MGMT: variants seen among roughly 807,000 people sequenced by gnomAD.
MGMT encodes the protein methylated-DNA--protein-cysteine methyltransferase.
MGMT carries 14 observed loss-of-function variants against 15.9 expected under a neutral mutation model. That is an observed-to-expected ratio of 0.88 (90% confidence interval 0.58 to 1.37). The LOEUF is 1.37. MGMT is among the 40% of genes most tolerant of loss of function. The pLI is 0.00. For synonymous variants in MGMT, 130 were observed against 118.2 expected (o/e 1.10, Z -0.65); for missense variants, 282 against 268.1 (o/e 1.05, Z -0.36).
At chr10:129,481,434 G>A (rs564690718) in intron 1 of MGMT, among the ~76,000 whole-genome samples, 2 of 152,292 alleles carry the variant, frequency 1.3e-5, no homozygotes, top group African/African-American at 4.8e-5. Flanking sequence ...GTGTCTGTCT[G>A]CTTTGTTAGG....
intron 3 of MGMT, among the ~76,000 whole-genome samples, chr10:129,738,564 C>A (rs962834843): frequency 1.3e-5 from 2 of 152,234 alleles, no homozygotes. Flanking sequence ...CCTATTCGGC[C>A]ATCTTGGCTC....
intron 2 of MGMT, among the ~76,000 whole-genome samples, chr10:129,574,960 G>A (rs1315874907): frequency 6.6e-6 from 1 of 152,140 alleles, no homozygotes; most frequent in African/African-American, 2.4e-5. Flanking sequence ...GAAAGTGAAA[G>A]GCACCAGGGC....
At chr10:129,574,844 CA>C (rs1257693064) in intron 2 of MGMT, among the ~76,000 whole-genome samples, 2 of 152,128 alleles carry the variant, frequency 1.3e-5, no homozygotes, top group Non-Finnish European at 2.9e-5. Context: ...ATAGCTTTTT[CA>C]AAGGTTTTCT....
intron 2 of MGMT, among the ~76,000 whole-genome samples, chr10:129,623,046 G>A (rs968740150): frequency 1.2e-4 from 18 of 152,338 alleles, no homozygotes; most frequent in Admixed American, 8.5e-4. Flanking sequence ...GGATGGCATC[G>A]TCCTTACCGA....
Position 129,589,867 on chromosome 10 carries a change from T to A in MGMT, c.125+53490T>A, listed in dbSNP as rs550744462. ...AGAGCCAATGGGAGCTGGCAGCCCATCCACCAGGAGGGTCCAGAAGACAGA... is the reference window on the plus strand; with the variant it reads ...AGAGCCAATGGGAGCTGGCAGCCCAACCACCAGGAGGGTCCAGAAGACAGA... On this transcript the variant is annotated intron_variant, in intron 2 of 4. Transcript: ENST00000651593. Among the ~76,000 whole-genome samples, 55 of 152,260 alleles carry A rather than the reference T, an allele frequency of 3.6e-4. 1 individual carries two copies. In the East Asian group the frequency reaches 9.9e-3, roughly 27 times the overall value.
At chr10:129,529,402 C>T (rs1383963826) in intron 1 of MGMT, among the ~76,000 whole-genome samples, 4 of 152,104 alleles carry the variant, frequency 2.6e-5, no homozygotes, top group African/African-American at 7.2e-5. Flanking sequence ...TCATAAGAAG[C>T]GTCCAGCCTA....
chr10:129,720,394 C>CT (rs889709155), intron 3 of MGMT, among the ~76,000 whole-genome samples: 2 of 152,192 alleles, frequency 1.3e-5, no homozygotes, highest in African/African-American at 4.8e-5. Flanking sequence ...CCCCTCCTGG[C>CT]TCAGCACAGC....
At chr10:129,749,239 G>A (rs575656087) in intron 3 of MGMT, among the ~76,000 whole-genome samples, 4 of 152,208 alleles carry the variant, frequency 2.6e-5, no homozygotes, top group African/African-American at 9.6e-5. Flanking sequence ...ACAGTAACAT[G>A]CAGAATAATT....
intron 3 of MGMT, among the ~76,000 whole-genome samples, chr10:129,733,600 T>C (rs1206612425): frequency 2.6e-5 from 4 of 152,058 alleles, no homozygotes; most frequent in Admixed American, 2.0e-4. Flanking sequence ...TTTGTTGCCA[T>C]TGCTTTTGGT....
intron 2 of MGMT, among the ~76,000 whole-genome samples, chr10:129,590,637 C>A (rs907582553): frequency 1.3e-5 from 2 of 152,152 alleles, no homozygotes; most frequent in Non-Finnish European, 2.9e-5. Flanking sequence ...ATTTGCCATT[C>A]ACAGTCTAAT....
At position 129,586,565 on chromosome 10, in the gene MGMT, C is replaced by T. The variant is rs182765797; in HGVS notation, c.125+50188C>T. On this transcript the variant is annotated intron_variant, in intron 2 of 4. Transcript: ENST00000651593. The stretch of plus-strand genomic sequence containing the variant: ...TCATGCATGTTGTTGCATGTGTCAG[C>T]GGTTGATTACTCTTTTTGCTGAGTG... Among the ~76,000 whole-genome samples the T allele has an allele frequency of 1.2e-4, 18 of 152,274 alleles. No homozygotes were observed. The East Asian group carries it at 2.9e-3, about 24-fold the overall frequency.
rs1216668026 is a variant in MGMT at position 129,659,839 on chromosome 10, C to T, written c.126-48056C>T. 6.6e-6 allele frequency among the ~76,000 whole-genome samples: 1 copy of T among 152,172 alleles called. No individual in the cohort carries two copies. Among genetic ancestry groups the T allele is most frequent in the Non-Finnish European group, 1.5e-5 (1 of 68,032 alleles). On this transcript the variant is annotated intron_variant, in intron 2 of 4. Coordinates refer to ENST00000651593, the MANE Select transcript of MGMT (RefSeq NM_002412.5). The surrounding 1 kb of genome is among the most constrained non-coding windows in gnomAD (Gnocchi z 4.1). ...GATTGCCTTTGAAATTGAGTAATGG[C>T]GGATGCCCAGCACCTGATGTTTGGG...
intron 1 of MGMT, among the ~76,000 whole-genome samples, chr10:129,473,487 A>T (rs987334544): frequency 7.2e-5 from 11 of 152,136 alleles, no homozygotes; most frequent in African/African-American, 2.7e-4. Flanking sequence ...CGGGCCTCGG[A>T]GAGTTTGAGT....
intron 2 of MGMT, among the ~76,000 whole-genome samples, chr10:129,565,154 C>T (rs918512036): frequency 3.3e-5 from 5 of 152,312 alleles, no homozygotes; most frequent in African/African-American, 4.8e-5. Context: ...GCCTGCTCCT[C>T]GTGTGGGGCC....
intron 2 of MGMT, among the ~76,000 whole-genome samples, chr10:129,585,005 T>C (rs1253547729): frequency 2.6e-5 from 4 of 152,146 alleles, no homozygotes; most frequent in Non-Finnish European, 2.9e-5. Flanking sequence ...AGGAGTAGGA[T>C]TCCTGGGTCC....
intron 2 of MGMT, among the ~76,000 whole-genome samples, chr10:129,695,696 T>G (rs544825351): frequency 6.4e-4 from 98 of 152,302 alleles, no homozygotes; most frequent in African/African-American, 1.8e-3. Flanking sequence ...TATTTCTCAT[T>G]GCATGGGCTC....
At chr10:129,582,472 T>C (rs1431491252) in intron 2 of MGMT, among the ~76,000 whole-genome samples, 1 of 152,220 alleles carries the variant, frequency 6.6e-6, no homozygotes, top group Non-Finnish European at 1.5e-5. Context: ...AAACATTTAA[T>C]TGTGTGCCTT....
rs544050191 is a variant in MGMT, at chr10:129,536,278, G to A, written c.26G>A (p.Arg9His). MDKDCEMK[R>H]TTLDSPLGKL... The stretch of plus-strand genomic sequence containing the variant: ...ATGGACAAGGATTGTGAAATGAAAC[G>A]CACCACACTGGACAGCCCTTTGGGG... Residue 9 changes from arginine (R) to histidine (H), a missense_variant, in exon 2 of 5, where the codon CGC becomes CAC. Transcript: ENST00000651593. 1.9e-4 allele frequency: 307 copies of A among 1,613,948 alleles called. 3 individuals carry two copies. The South Asian group carries it at 2.9e-3, about 15-fold the overall frequency.
At chr10:129,523,837 G>A (rs560051186) in intron 1 of MGMT, among the ~76,000 whole-genome samples, 54 of 152,196 alleles carry the variant, frequency 3.5e-4, no homozygotes, top group Non-Finnish European at 4.9e-4. Flanking sequence ...ACGAGATTGT[G>A]TGAGTCCACA....
Sources: gnomAD v4.1 joint callset for allele counts (sites outside exome capture counted in the v4.1 genomes callset) on GRCh38, gnomAD v4.1.1 for gene constraint, Gnocchi (gnomAD v3.1) non-coding constraint, MANE v1.5 for transcripts, NCBI Gene and HGNC (gene_info 2026-07-23, HGNC 2026-07-21) for gene names.